The following MAP3K7CL variants were observed in gnomAD, a reference collection of about 807,000 sequenced individuals.
MAP3K7CL encodes MAP3K7 C-terminal-like protein.
MAP3K7CL carries 16 observed loss-of-function variants against 18.6 expected under a neutral mutation model. The ratio of observed to expected loss-of-function variants is 0.86; its 90% CI spans 0.58 to 1.31. MAP3K7CL has a LOEUF of 1.31. Among genes scored for constraint, MAP3K7CL ranks in the 50% most tolerant of loss-of-function variants. The pLI is 0.00. For missense variants in MAP3K7CL, 163 were observed against 174.4 expected (o/e 0.93, Z 0.37); for synonymous variants, 65 against 66.8 (o/e 0.97, Z 0.13).
At chr21:29,104,855 CTT>C (rs1205557153) in intron 4 of MAP3K7CL, among the ~76,000 whole-genome samples, 1 of 152,208 alleles carries the variant, frequency 6.6e-6, no homozygotes, top group African/African-American at 2.4e-5. Context: ...TTCCTGCAGT[CTT>C]TTCATGCCTT....
intron 4 of MAP3K7CL, among the ~76,000 whole-genome samples, chr21:29,163,686 T>G (rs1402194020): frequency 1.4e-5 from 2 of 146,666 alleles, no homozygotes; most frequent in African/African-American, 5.0e-5. Context: ...AACAGGCCCC[T>G]TTCTTCCTTT....
chr21:29,114,941 C>T (rs945351298), intron 4 of MAP3K7CL, among the ~76,000 whole-genome samples: 2 of 152,210 alleles, frequency 1.3e-5, no homozygotes, highest in African/African-American at 4.8e-5. Context: ...ATGCTTCTCT[C>T]TACAGGAGAC....
At chr21:29,158,446 C>T (rs2087459510) in intron 3 of MAP3K7CL, among the ~76,000 whole-genome samples, 1 of 152,158 alleles carries the variant, frequency 6.6e-6, no homozygotes, top group South Asian at 2.1e-4. Flanking sequence ...TGAGATTTTC[C>T]ATGAACTGGG....
chr21:29,163,693 C>CT (rs397866386), intron 4 of MAP3K7CL, among the ~76,000 whole-genome samples: 2,573 of 125,976 alleles, frequency 0.02, 61 homozygotes, highest in African/African-American at 0.052. Context: ...CCCTTTCTTC[C>CT]TTTTTTTTTT....
chr21:29,121,965 A>T (rs966184322), intron 4 of MAP3K7CL: 1 of 152,092 alleles, frequency 6.6e-6, no homozygotes, highest in African/African-American at 2.4e-5. Flanking sequence ...CCACAGAGGG[A>T]AAGTCCTGCA....
At chr21:29,079,771 C>G (rs1383782725) in intron 1 of MAP3K7CL, among the ~76,000 whole-genome samples, 1 of 152,186 alleles carries the variant, frequency 6.6e-6, no homozygotes, top group African/African-American at 2.4e-5. Context: ...TCCAATCAAT[C>G]TACTTGAGGC....
upstream of MAP3K7CL, among the ~76,000 whole-genome samples, chr21:29,077,268 C>T (rs1018919806): frequency 7.2e-5 from 11 of 152,218 alleles, no homozygotes; most frequent in African/African-American, 2.4e-4. Flanking sequence ...CGCGGAGGCT[C>T]GGGCATGGCG....
intron 4 of MAP3K7CL, among the ~76,000 whole-genome samples, chr21:29,161,192 C>T (rs576074497): frequency 6.4e-4 from 98 of 152,254 alleles, no homozygotes; most frequent in Admixed American, 1.4e-3. Flanking sequence ...CACCTGTAAT[C>T]CCAGCTACTC....
intron 3 of MAP3K7CL, among the ~76,000 whole-genome samples, chr21:29,156,614 C>T (rs916667487): frequency 4.6e-5 from 7 of 152,200 alleles, no homozygotes; most frequent in African/African-American, 1.7e-4. Context: ...GGATTACCCT[C>T]AGTCAGGACC....
chr21:29,094,233 A>G (rs1199919147), intron 4 of MAP3K7CL, among the ~76,000 whole-genome samples: 2 of 152,240 alleles, frequency 1.3e-5, no homozygotes, highest in African/African-American at 4.8e-5. Context: ...CCCACAATCC[A>G]CAGAACAGCT....
At chr21:29,149,130 C>G in intron 2 of MAP3K7CL, 59 bp from the exon 3 acceptor site, 2 of 1,432,282 alleles carry the variant, frequency 1.4e-6, no homozygotes, top group Non-Finnish European at 2.0e-6. Flanking sequence ...TGGGGGAGTC[C>G]AAGGACTCCT....
upstream of MAP3K7CL, among the ~76,000 whole-genome samples, chr21:29,077,190 A>G (rs986159061): frequency 3.3e-5 from 5 of 152,238 alleles, no homozygotes; most frequent in African/African-American, 1.2e-4. Flanking sequence ...CGCCGCCGTG[A>G]GCCCACACTC....
In MAP3K7CL at chr21:29,100,100, A is replaced by G. The variant is rs886652890; in HGVS notation, c.370+7519A>G. ...TCCGTCTTTAAAAAAAAAAAAAAAA[A>G]AAAAGGAAATGGATCTCCTCCTCCC... On this transcript the variant is annotated intron_variant, in intron 4 of 6. Coordinates refer to the MAP3K7CL transcript ENST00000286791. 2.6e-5 allele frequency among the ~76,000 whole-genome samples: 4 copies of G among 151,564 alleles called. No individual in the cohort carries two copies. In the East Asian group the frequency reaches 7.8e-4, roughly 29 times the overall value.
chr21:29,097,650 T>C (rs921791994), intron 4 of MAP3K7CL, among the ~76,000 whole-genome samples: 2 of 152,152 alleles, frequency 1.3e-5, no homozygotes, highest in South Asian at 2.1e-4. Context: ...AATAACACGA[T>C]ATGTAGTTAT....
At chr21:29,085,697 G>C, upstream of MAP3K7CL, 1 of 601,924 alleles carries the variant, frequency 1.7e-6, no homozygotes, top group Non-Finnish European at 2.9e-6. Context: ...TATTGTATGT[G>C]AATGAAATGT....
intron 3 of MAP3K7CL, among the ~76,000 whole-genome samples, chr21:29,149,680 C>A (rs1281942921): frequency 6.6e-6 from 1 of 152,216 alleles, no homozygotes; most frequent in Non-Finnish European, 1.5e-5. Context: ...GCCCCTTCCC[C>A]AGTTCTCTGA....
chr21:29,172,277 G>A (rs1468619611), intron 4 of MAP3K7CL, among the ~76,000 whole-genome samples: 5 of 139,296 alleles, frequency 3.6e-5, no homozygotes, highest in East Asian at 2.1e-4. Context: ...CTTTAAATAC[G>A]GAGGAGTTCT....
At chr21:29,105,601 G>GA (rs1309561363) in intron 4 of MAP3K7CL, among the ~76,000 whole-genome samples, 1 of 152,126 alleles carries the variant, frequency 6.6e-6, no homozygotes, top group East Asian at 1.9e-4. Context: ...CAGGCAGTGG[G>GA]AAAAAACATA....
At chr21:29,112,448 C>A (rs2086434907) in intron 4 of MAP3K7CL, among the ~76,000 whole-genome samples, 1 of 152,006 alleles carries the variant, frequency 6.6e-6, no homozygotes, top group Non-Finnish European at 1.5e-5. Context: ...TTAGTATTAA[C>A]CTAGGATTTT....
Sources: gnomAD v4.1 joint callset for allele counts (sites outside exome capture counted in the v4.1 genomes callset) on GRCh38, gnomAD v4.1.1 for gene constraint, MANE v1.5 for transcripts, NCBI Gene and HGNC (gene_info 2026-07-23, HGNC 2026-07-21) for gene names.